The following SLC8B1 variants were observed in gnomAD, a reference collection of about 807,000 sequenced individuals.
The protein encoded by SLC8B1 is mitochondrial sodium/calcium exchanger protein.
In SLC8B1, 52 loss-of-function variants were observed where a neutral mutation model predicts 63.4. The ratio of observed to expected loss-of-function variants is 0.82; its 90% confidence interval spans 0.66 to 1.03. The LOEUF is 1.03. SLC8B1 is among the 50% of genes least tolerant of loss of function. The pLI is 0.00. For synonymous variants in SLC8B1, 336 were observed against 323.9 expected (o/e 1.04, Z -0.40); for missense variants, 657 against 741.7 (o/e 0.89, Z 1.33).
intron 11 of SLC8B1, among the ~76,000 whole-genome samples, chr12:113,312,603 G>A (rs888297224): frequency 2.0e-5 from 3 of 152,188 alleles, no homozygotes; most frequent in Non-Finnish European, 4.4e-5. Flanking sequence ...CAGTCCAGGG[G>A]TTTTCTCTAG....
Position 113,310,265 on chromosome 12 carries a change from G to A in SLC8B1, c.1226C>T (p.Thr409Ile). ...AAGCCTGGGGGGCTGGCTGTCAGAT[G>A]TGGCAAAAAAGGTCACTGAAGCCAA... ...TALASVTFFATSDSQPPRLHW... is the reference protein window; with the variant it reads ...TALASVTFFAISDSQPPRLHW... The change falls in exon 12 of 16, where the codon ACA becomes ATA. Residue 409 changes from threonine to isoleucine, a missense_variant. Physicochemically the swap from Thr to Ile is moderately conservative, Grantham distance 89 (BLOSUM62 -1). Transcript: ENST00000680972. 1 of 1,614,002 alleles carries A rather than the reference G, an allele frequency of 6.2e-7. No homozygotes were observed. The highest frequency in any genetic ancestry group is 8.5e-7 in the Non-Finnish European group (1 of 1,179,976).
intron 1 of SLC8B1, among the ~76,000 whole-genome samples, chr12:113,333,862 C>A (rs1395489629): frequency 6.6e-6 from 1 of 152,224 alleles, no homozygotes; most frequent in South Asian, 2.1e-4. Context: ...GCACACACCA[C>A]CATGCCCAGC....
chr12:113,305,988 G>T lies in SLC8B1; in HGVS notation c.1492+507C>A, dbSNP rs1054966733. On this transcript the variant is annotated intron_variant, in intron 14 of 15. Transcript: ENST00000680972. The surrounding 1 kb of genome is among the most constrained non-coding windows in gnomAD (Gnocchi z 4.3). ...GCAGGAGAATTGCTTGAACCCGGAA[G>T]GCAGAAATTGCAGTGAGCCAAGATC... Among the ~76,000 whole-genome samples, 4 of 147,780 alleles carry T rather than the reference G, an allele frequency of 2.7e-5. No individual in the cohort carries two copies. Among genetic ancestry groups the T allele is most frequent in the African/African-American group, 1.0e-4 (4 of 39,516 alleles).
intron 2 of SLC8B1, among the ~76,000 whole-genome samples, chr12:113,329,321 C>T (rs1363988833): frequency 6.6e-6 from 1 of 152,178 alleles, no homozygotes; most frequent in Non-Finnish European, 1.5e-5. Context: ...AAGTTACTCG[C>T]TGAAGCTCCT....
chr12:113,307,798 G>A lies in SLC8B1; in HGVS notation c.1304C>T (p.Ala435Val), dbSNP rs748038619. ...GFLTSALWIN[A>V]AATEVVNILR... ...GATGTTCACCACCTCTGTGGCGGCC[G>A]CGTTGATCCACAGGGCGCTGGTCAG... is the stretch of plus-strand genomic sequence containing the variant. The change falls in exon 13 of 16, where the codon GCG becomes GTG. Residue 435 changes from alanine (A) to valine (V), a missense_variant. Physicochemically the swap from Ala to Val is moderately conservative, Grantham distance 64. Coordinates refer to ENST00000680972, the MANE Select transcript of SLC8B1 (RefSeq NM_001358345.2). The A allele has an allele frequency of 1.1e-5, 17 of 1,613,592 alleles. No homozygotes were observed. Among genetic ancestry groups the A allele is most frequent in the Middle Eastern group, 1.6e-4 (1 of 6,062 alleles).
intron 15 of SLC8B1, among the ~76,000 whole-genome samples, chr12:113,301,333 CTTT>C (rs61095726): frequency 5.9e-4 from 63 of 107,606 alleles, no homozygotes; most frequent in African/African-American, 1.7e-3. Flanking sequence ...CTTTATAAGG[CTTT>C]TTTTTTTTTT....
At chr12:113,331,887 C>T (rs893990533) in intron 2 of SLC8B1, among the ~76,000 whole-genome samples, 4 of 152,164 alleles carry the variant, frequency 2.6e-5, no homozygotes, top group African/African-American at 9.7e-5. Flanking sequence ...AAACAATTCT[C>T]ACCTCCTAGC....
Position 113,317,314 on chromosome 12 carries a change from T to G in SLC8B1, c.803-313A>C, listed in dbSNP as rs907213113. On this transcript the variant is annotated intron_variant, in intron 8 of 15. Coordinates refer to ENST00000680972, the MANE Select transcript of SLC8B1 (RefSeq NM_001358345.2). ...TATGTTGGCCTGGCTGGTCTCAAAC[T>G]CCTGGCCTCAGCAGTCCACCCGCCT... Among the ~76,000 whole-genome samples, 138 of 152,228 alleles carry G rather than the reference T, an allele frequency of 9.1e-4. 3 individuals are homozygous for G. The highest frequency in any genetic ancestry group is 3.2e-4 in the Non-Finnish European group (22 of 68,022).
chr12:113,304,849 T>C (rs1361315997), intron 14 of SLC8B1, among the ~76,000 whole-genome samples: 1 of 152,144 alleles, frequency 6.6e-6, no homozygotes, highest in African/African-American at 2.4e-5. Context: ...GTGATTCTCG[T>C]GCCTCAGGCT....
At chr12:113,307,147 A>C (rs1455802646) in intron 13 of SLC8B1, among the ~76,000 whole-genome samples, 10 of 137,578 alleles carry the variant, frequency 7.3e-5, no homozygotes, top group African/African-American at 2.5e-4. Context: ...AAAAAAAAAA[A>C]AAAACTACGG....
chr12:113,331,190 C>T (rs2136870187), intron 2 of SLC8B1, among the ~76,000 whole-genome samples: 1 of 152,064 alleles, frequency 6.6e-6, no homozygotes, highest in South Asian at 2.1e-4. Flanking sequence ...AGTTCAATAC[C>T]AGCCTGGCCA....
At chr12:113,318,283 ATG>A (rs978117865) in intron 8 of SLC8B1, among the ~76,000 whole-genome samples, 2 of 148,482 alleles carry the variant, frequency 1.3e-5, no homozygotes, top group Non-Finnish European at 3.0e-5. Flanking sequence ...TTTGTGTTGC[ATG>A]TGTGTGAGCA....
rs540091261 is a variant in SLC8B1 at position 113,322,092 on chromosome 12, G to A, written c.157-744C>T. ...GTGCACTTGTAGTCCCAGCTACTCAGGAGACTGAGGTGGGAGGATCACCTG... is the reference window on the plus strand; with the variant it reads ...GTGCACTTGTAGTCCCAGCTACTCAAGAGACTGAGGTGGGAGGATCACCTG... On this transcript the variant is annotated intron_variant, in intron 2 of 15. Transcript: ENST00000680972. Among the ~76,000 whole-genome samples, 60 of 152,250 alleles carry A rather than the reference G, an allele frequency of 3.9e-4. 1 individual carries two copies. The highest frequency in any genetic ancestry group is 3.4e-3 in the Middle Eastern group (1 of 294).
At chr12:113,325,722 G>A (rs1025915562) in intron 2 of SLC8B1, among the ~76,000 whole-genome samples, 8 of 151,468 alleles carry the variant, frequency 5.3e-5, no homozygotes, top group Non-Finnish European at 1.2e-4. Flanking sequence ...TCGCCACCAC[G>A]CCCAGCTAAT....
chr12:113,315,504 G>A, intron 10 of SLC8B1, 28 bp from the exon 11 acceptor site: 1 of 1,540,744 alleles, frequency 6.5e-7, no homozygotes, highest in South Asian at 1.2e-5. Context: ...GTGGGAGGGT[G>A]TCGGCAGGGA....
At chr12:113,312,845 TAGTACAG>T (rs1956782597) in intron 11 of SLC8B1, among the ~76,000 whole-genome samples, 1 of 152,188 alleles carries the variant, frequency 6.6e-6, no homozygotes, top group Admixed American at 6.5e-5. Context: ...CTCTTCTCCC[TAGTACAG>T]GCTTCCAGCT....
At chr12:113,324,335 A>G (rs965098802) in intron 2 of SLC8B1, among the ~76,000 whole-genome samples, 7 of 151,750 alleles carry the variant, frequency 4.6e-5, no homozygotes, top group Non-Finnish European at 8.8e-5. Flanking sequence ...AAACAAAAAA[A>G]AAAACTTTTC....
chr12:113,324,689 G>A (rs943954544), intron 2 of SLC8B1, among the ~76,000 whole-genome samples: 4 of 151,586 alleles, frequency 2.6e-5, no homozygotes, highest in Non-Finnish European at 4.4e-5. Flanking sequence ...TTACAGGTGT[G>A]AGCCACTGCG....
intron 15 of SLC8B1, among the ~76,000 whole-genome samples, chr12:113,301,846 GGCCTGGCACCTCT>G (rs1350279460): frequency 1.3e-5 from 2 of 152,186 alleles, no homozygotes; most frequent in Non-Finnish European, 2.9e-5. Flanking sequence ...AGCAGCACTG[GGCCTGGCACCTCT>G]GCCTGACTCT....
Sources: gnomAD v4.1 joint callset for allele counts (sites outside exome capture counted in the v4.1 genomes callset) on GRCh38, gnomAD v4.1.1 for gene constraint, Gnocchi (gnomAD v3.1) non-coding constraint, MANE v1.5 for transcripts, NCBI Gene and HGNC (gene_info 2026-07-23, HGNC 2026-07-21) for gene names.